Variants in ZNF175 observed in about 807,000 individuals in gnomAD.
The protein encoded by ZNF175 is zinc finger protein 175, also known as zinc finger protein OTK18.
In ZNF175, 8 loss-of-function variants were observed where a neutral mutation model predicts 14.0. That is an observed-to-expected ratio of 0.57 (90% CI 0.34 to 1.03). ZNF175 has a LOEUF of 1.03. Ranked by LOEUF, ZNF175 falls within the 50% of genes least tolerant of loss-of-function variation. The pLI is 0.03. For synonymous variants in ZNF175, 255 were observed against 296.8 expected (o/e 0.86, Z 1.45); for missense variants, 764 against 849.5 (o/e 0.90, Z 1.25).
At chr19:51,572,741 C>G (rs1374062867) in intron 1 of ZNF175, among the ~76,000 whole-genome samples, 1 of 152,170 alleles carries the variant, frequency 6.6e-6, no homozygotes, top group Non-Finnish European at 1.5e-5. Flanking sequence ...TTATCCTCAT[C>G]CTCAAAATGG....
At chr19:51,581,722 T>A (rs940460736) in intron 3 of ZNF175, 65 bp from the exon 4 acceptor site, 1 of 1,583,258 alleles carries the variant, frequency 6.3e-7, no homozygotes, top group East Asian at 2.2e-5. Context: ...AGTGTAAAGC[T>A]TCATTGAATG....
chr19:51,580,667 A>G (rs1189405289), intron 2 of ZNF175, among the ~76,000 whole-genome samples: 4 of 152,216 alleles, frequency 2.6e-5, no homozygotes, highest in Non-Finnish European at 5.9e-5. Context: ...TTGAGGCACC[A>G]GCCCACTTCT....
At position 51,589,460 on chromosome 19, in the gene ZNF175, A is replaced by G. The variant is rs1982285855; in HGVS notation, c.*993A>G. On this transcript the variant is annotated 3_prime_UTR_variant, in exon 5 of 5. Coordinates refer to ENST00000262259, the MANE Select transcript of ZNF175 (RefSeq NM_007147.4). ...AATGATTAACTCCTTTATTATACAT[A>G]CACATGAATGTGCATTTTTGGTAAA... 1.5e-6 allele frequency: 1 copy of G among 677,778 alleles called. No homozygotes were observed. Among genetic ancestry groups the G allele is most frequent in the African/African-American group, 1.8e-5 (1 of 56,516 alleles). 42.0% of individuals were successfully genotyped at this position (677,778 alleles called of 1,614,324 possible). A position where few individuals can be genotyped will look rare whatever the true frequency, so the allele number is the denominator to read the frequency against.
intron 4 of ZNF175, among the ~76,000 whole-genome samples, chr19:51,583,926 C>A (rs1425735601): frequency 6.6e-6 from 1 of 152,102 alleles, no homozygotes; most frequent in Non-Finnish European, 1.5e-5. Flanking sequence ...CATGAGGAAA[C>A]CATTGTATTT....
rs772751736 is a variant in ZNF175, at chr19:51,592,505, A to G, written c.*4038A>G. 21 of 558,658 alleles carry G rather than the reference A, an allele frequency of 3.8e-5. No homozygotes were observed. The highest frequency in any genetic ancestry group is 6.0e-5 in the Non-Finnish European group (19 of 318,344). 34.6% of individuals were successfully genotyped at this position (558,658 alleles called of 1,614,324 possible). On this transcript the variant is annotated 3_prime_UTR_variant, in exon 5 of 5. Coordinates refer to ENST00000262259, the MANE Select transcript of ZNF175 (RefSeq NM_007147.4). ...ATCTGAAATAAAGGTATTTTGAGAA[A>G]TTGAATTCCGTTATCAAGTGTGAAG...
At chr19:51,572,647 AGGCAGATGTGG>A (rs145614153) in intron 1 of ZNF175, among the ~76,000 whole-genome samples, 22,509 of 152,132 alleles carry the variant, frequency 0.15, 1,950 homozygotes, top group Middle Eastern at 0.25. Context: ...GTTTAGAACA[AGGCAGATGTGG>A]GGCTGATTCC....
At chr19:51,573,692 A>G in intron 2 of ZNF175, 1 of 457,494 alleles carries the variant, frequency 2.2e-6, no homozygotes, top group Non-Finnish European at 3.8e-6. Context: ...CTTTCCTGCT[A>G]AGCACTGGTT....
intron 2 of ZNF175, among the ~76,000 whole-genome samples, chr19:51,575,248 G>C (rs371524352): frequency 6.1e-4 from 75 of 122,226 alleles, no homozygotes; most frequent in African/African-American, 2.3e-3. Context: ...ACGGAGTCTC[G>C]CTCTGAAGCG....
chr19:51,582,587 G>T (rs952797229), intron 4 of ZNF175, among the ~76,000 whole-genome samples: 1 of 152,130 alleles, frequency 6.6e-6, no homozygotes, highest in Non-Finnish European at 1.5e-5. Flanking sequence ...GTGAGCCACC[G>T]CACCCAGCCT....
chr19:51,582,341 AGGCTAGG>A, intron 4 of ZNF175, among the ~76,000 whole-genome samples: 1 of 152,232 alleles, frequency 6.6e-6, no homozygotes, highest in South Asian at 2.1e-4. Context: ...TCTGTCACCT[AGGCTAGG>A]GTGCAGTGGC....
At chr19:51,572,680 T>C (rs947062827) in intron 1 of ZNF175, among the ~76,000 whole-genome samples, 1 of 152,194 alleles carries the variant, frequency 6.6e-6, no homozygotes, top group African/African-American at 2.4e-5. Context: ...TGTTTTTCCA[T>C]TTACAGACTG....
chr19:51,589,584 ATC>A lies in ZNF175; in HGVS notation c.*1119_*1120del, dbSNP rs1568578636. 1 of 702,112 alleles carries A rather than the reference ATC, an allele frequency of 1.4e-6. No individual in the cohort carries two copies. Among genetic ancestry groups the A allele is most frequent in the Admixed American group, 2.0e-5 (1 of 49,958 alleles). The allele number at this position is 702,112 out of a possible 1,614,324, so 43.5% of individuals were successfully genotyped here. On this transcript the variant is annotated 3_prime_UTR_variant, in exon 5 of 5. Transcript: ENST00000262259. ...CTTGCCCCCCCTTTCCATCTCCACC[ATC>A]TATAGTGAGCCTCTCCATAATTAGT...
At position 51,586,725 on chromosome 19, in the gene ZNF175, T is replaced by G. The variant is rs1204409204; in HGVS notation, c.394T>G (p.Cys132Gly). The change falls in exon 5 of 5, where the codon TGT (cysteine) becomes GGT (glycine). Residue 132 changes from cysteine (C) to glycine (G), a missense_variant. Transcript: ENST00000262259. ...TGAGTTCACAAGAGATGGTTCATGG[T>G]GTTCCATTTTAGAAGAACTGAGGCT... ...VGEFTRDGSW[C>G]SILEELRLDA... 1 of 1,614,214 alleles carries G rather than the reference T, an allele frequency of 6.2e-7. No individual in the cohort carries two copies. Among genetic ancestry groups the G allele is most frequent in the Non-Finnish European group, 8.5e-7 (1 of 1,180,028 alleles).
In ZNF175 at chr19:51,587,108, AG is replaced by A; in HGVS notation, c.778del (p.Val260SerfsTer44). 6.2e-7 allele frequency: 1 copy of A among 1,614,194 alleles called. No individual in the cohort carries two copies. The highest frequency in any genetic ancestry group is 8.5e-7 in the Non-Finnish European group (1 of 1,180,024). On this transcript the variant is annotated frameshift_variant, in exon 5 of 5. Coordinates refer to ENST00000262259, the MANE Select transcript of ZNF175 (RefSeq NM_007147.4). LOFTEE classifies it low-confidence loss of function (END_TRUNC). ...TTTGCAAAGGTAACCAGTGTAGAAA[AG>A]TCTGTGGCCATAAACAGTCACTCAA... is the stretch of plus-strand genomic sequence containing the variant. ...TFCKGNQCRK[V>X]CGHKQSLKQH...
intron 2 of ZNF175, among the ~76,000 whole-genome samples, chr19:51,577,812 C>A (rs561092652): frequency 6.6e-6 from 1 of 151,760 alleles, no homozygotes; most frequent in East Asian, 2.0e-4. Context: ...TAAAGGCGCC[C>A]GCCACCACAC....
chr19:51,574,805 C>A (rs1371356469), intron 2 of ZNF175, among the ~76,000 whole-genome samples: 4 of 152,202 alleles, frequency 2.6e-5, no homozygotes, highest in African/African-American at 9.7e-5. Context: ...CGTTTTAGGA[C>A]ACATGTTCAA....
chr19:51,577,952 C>T (rs1441476021), intron 2 of ZNF175, among the ~76,000 whole-genome samples: 5 of 151,560 alleles, frequency 3.3e-5, no homozygotes, highest in South Asian at 2.1e-4. Context: ...CGTGAGCCAC[C>T]GCACCTGGCA....
intron 2 of ZNF175, 160 bp from the exon 3 acceptor site, chr19:51,581,231 A>ATT (rs772373234): frequency 7.1e-6 from 7 of 987,576 alleles, no homozygotes; most frequent in Non-Finnish European, 8.9e-6. Context: ...TATTTCTCTT[A>ATT]TTTTTTTTTA....
rs572205558 is a variant in ZNF175 at position 51,581,349 on chromosome 19, A to G, written c.73-42A>G. Reference sequence around the variant, plus strand: ...CTATATGTGCCATCCCCACTCGCCAATGATGACCTAATTCACAGTGAGCTG... The same window carrying G: ...CTATATGTGCCATCCCCACTCGCCAGTGATGACCTAATTCACAGTGAGCTG... On this transcript the variant is annotated intron_variant, in intron 2 of 4. Transcript: ENST00000262259. 4.0e-5 allele frequency: 64 copies of G among 1,614,122 alleles called. 1 individual carries two copies. The Middle Eastern group carries it at 5.0e-4, about 13-fold the overall frequency.
Sources: allele counts gnomAD v4.1 joint callset (sites outside exome capture counted in the v4.1 genomes callset), GRCh38; gene constraint gnomAD v4.1.1; transcripts MANE v1.5; gene names NCBI Gene and HGNC (gene_info 2026-07-23, HGNC 2026-07-21).